Variants in EPB41 observed in about 807,000 individuals in gnomAD.
The protein encoded by EPB41 is protein 4.1.
EPB41 carries 65 observed loss-of-function variants against 108.0 expected under a neutral mutation model. The ratio of observed to expected loss-of-function variants is 0.60; its 90% CI spans 0.49 to 0.74. The LOEUF is 0.74. Among genes scored for constraint, EPB41 ranks in the 30% least tolerant of loss-of-function variants. EPB41 has a pLI of 0.00. For missense variants in EPB41, 875 were observed against 1,037.0 expected (o/e 0.84, Z 2.15); for synonymous variants, 336 against 358.9 (o/e 0.94, Z 0.72).
At chr1:28,994,621 T>A (rs1392173434) in intron 3 of EPB41, among the ~76,000 whole-genome samples, 1 of 148,198 alleles carries the variant, frequency 6.7e-6, no homozygotes, top group Non-Finnish European at 1.5e-5. Flanking sequence ...CACATATATG[T>A]GGAACAAACT....
intron 1 of EPB41, among the ~76,000 whole-genome samples, chr1:28,921,049 G>A (rs1424180892): frequency 6.6e-6 from 1 of 152,174 alleles, no homozygotes; most frequent in Non-Finnish European, 1.5e-5. Flanking sequence ...GACTACAGGT[G>A]TGTGCCATCA....
chr1:29,097,836 C>T lies in EPB41; in HGVS notation c.2214C>T (p.Thr738=). ...GPPLVKTQTV[T]ISDNANAVKS... is the part of the protein sequence containing the mutation. ...CCCTGGTGAAGACACAAACTGTCAC[C>T]ATCTCAGATAATGCCAATGCTGTGA... Residue 738 remains threonine, a synonymous_variant, in exon 17 of 21, where the codon ACC becomes ACT. Coordinates refer to ENST00000343067, the MANE Select transcript of EPB41 (RefSeq NM_001376013.1). The T allele has an allele frequency of 1.9e-6, 3 of 1,613,998 alleles. No individual in the cohort carries two copies. Among genetic ancestry groups the T allele is most frequent in the Non-Finnish European group, 2.5e-6 (3 of 1,179,874 alleles).
chr1:29,111,989 A>C (rs1042651576), intron 18 of EPB41, among the ~76,000 whole-genome samples: 5 of 152,134 alleles, frequency 3.3e-5, no homozygotes, highest in African/African-American at 9.7e-5. Flanking sequence ...AAAAAAAAAA[A>C]AACAAAGATT....
At chr1:28,967,969 A>G (rs2095404181) in intron 1 of EPB41, among the ~76,000 whole-genome samples, 1 of 152,000 alleles carries the variant, frequency 6.6e-6, no homozygotes, top group African/African-American at 2.4e-5. Context: ...CACGCCTGGC[A>G]AATTTTTGTA....
chr1:28,890,856 G>C (rs921415947), intron 1 of EPB41: 1 of 929,524 alleles, frequency 1.1e-6, no homozygotes, highest in African/African-American at 1.8e-5. Flanking sequence ...AAGAGTGGGA[G>C]CCTCCACCCC....
intron 1 of EPB41, among the ~76,000 whole-genome samples, chr1:28,968,638 C>T (rs964104121): frequency 1.3e-5 from 2 of 151,860 alleles, no homozygotes; most frequent in African/African-American, 4.8e-5. Flanking sequence ...GCAGTTTTTG[C>T]CGTTACTTTC....
At chr1:28,924,280 A>G (rs911616967) in intron 1 of EPB41, among the ~76,000 whole-genome samples, 3 of 152,176 alleles carry the variant, frequency 2.0e-5, no homozygotes, top group South Asian at 4.1e-4. Flanking sequence ...TGTAATCCCA[A>G]CACTTTGGGA....
intron 2 of EPB41, among the ~76,000 whole-genome samples, chr1:28,990,652 C>T (rs181378729): frequency 6.6e-5 from 10 of 152,120 alleles, no homozygotes; most frequent in East Asian, 5.8e-4. Flanking sequence ...CTCCTGAACT[C>T]GAGCAATCCT....
At chr1:29,101,559 T>C (rs532525221) in intron 17 of EPB41, among the ~76,000 whole-genome samples, 1 of 151,898 alleles carries the variant, frequency 6.6e-6, no homozygotes, top group Non-Finnish European at 1.5e-5. Context: ...TCCCAGCTGC[T>C]TGGGAGGCTG....
intron 8 of EPB41, among the ~76,000 whole-genome samples, chr1:29,031,034 C>T (rs1169482961): frequency 6.6e-6 from 1 of 151,986 alleles, no homozygotes; most frequent in Non-Finnish European, 1.5e-5. Flanking sequence ...TGGTCTCGAT[C>T]TCCTGACCTC....
intron 4 of EPB41, among the ~76,000 whole-genome samples, chr1:29,004,883 A>C (rs2096371199): frequency 6.6e-6 from 1 of 152,152 alleles, no homozygotes. Context: ...GGAGCTGTAC[A>C]AAAGTCTTTT....
In EPB41 at chr1:29,090,642, C is replaced by T. The variant is rs112041929; in HGVS notation, c.2185-7165C>T. Among the ~76,000 whole-genome samples the T allele has an allele frequency of 7.7e-3, 1,174 of 152,082 alleles. 10 individuals carry two copies. Among genetic ancestry groups the T allele is most frequent in the African/African-American group, 0.027 (1,104 of 41,484 alleles). On this transcript the variant is annotated intron_variant, in intron 16 of 20. Coordinates refer to ENST00000343067, the MANE Select transcript of EPB41 (RefSeq NM_001376013.1). Reference sequence around the variant, plus strand: ...GCAAATGCCTGTAATCCCAGCTACTCGGGAGGCTGAGGCAAGAGAATCGCT... The same window carrying T: ...GCAAATGCCTGTAATCCCAGCTACTTGGGAGGCTGAGGCAAGAGAATCGCT...
chr1:29,022,393 A>G (rs909551279), intron 7 of EPB41, among the ~76,000 whole-genome samples: 2 of 146,618 alleles, frequency 1.4e-5, no homozygotes, highest in Non-Finnish European at 1.5e-5. Flanking sequence ...AAAAAAAAAG[A>G]AACTGCCATT....
chr1:28,898,563 G>A (rs2090953086), intron 1 of EPB41, among the ~76,000 whole-genome samples: 1 of 152,234 alleles, frequency 6.6e-6, no homozygotes, highest in Non-Finnish European at 1.5e-5. Flanking sequence ...ATAAACAGGA[G>A]CTAATTAAGC....
intron 1 of EPB41, among the ~76,000 whole-genome samples, chr1:28,926,582 T>C (rs2093461577): frequency 6.6e-6 from 1 of 152,230 alleles, no homozygotes; most frequent in African/African-American, 2.4e-5. Flanking sequence ...TTCTTACTAA[T>C]TGTGATCTTG....
chr1:29,088,720 C>A (rs1660142888), intron 16 of EPB41, among the ~76,000 whole-genome samples: 1 of 152,158 alleles, frequency 6.6e-6, no homozygotes, highest in African/African-American at 2.4e-5. Flanking sequence ...CTAGTGTCAG[C>A]CACTCAGAAC....
At chr1:29,113,215 T>C (rs1321800006) in intron 19 of EPB41, among the ~76,000 whole-genome samples, 1 of 152,208 alleles carries the variant, frequency 6.6e-6, no homozygotes, top group African/African-American at 2.4e-5. Flanking sequence ...AGTTCTCTGC[T>C]GGGTGAGGTT....
chr1:29,099,524 C>A (rs1664523721), intron 17 of EPB41, among the ~76,000 whole-genome samples: 1 of 152,190 alleles, frequency 6.6e-6, no homozygotes, highest in Middle Eastern at 3.4e-3. Flanking sequence ...TACCATGTTG[C>A]CCTGGCTGAT....
chr1:28,972,766 A>AT (rs5773227), intron 1 of EPB41, among the ~76,000 whole-genome samples: 65,378 of 146,978 alleles, frequency 0.44, 16,630 homozygotes, highest in East Asian at 0.85. Flanking sequence ...TGCTTGGCTA[A>AT]TTTTTTTTTT....
Sources: allele counts gnomAD v4.1 joint callset (sites outside exome capture counted in the v4.1 genomes callset), GRCh38; gene constraint gnomAD v4.1.1; transcripts MANE v1.5; gene names NCBI Gene and HGNC (gene_info 2026-07-23, HGNC 2026-07-21).